WDFY4: variants seen among roughly 807,000 people sequenced by gnomAD.
WDFY4 encodes the protein WDFY family member 4.
WDFY4 carries 169 observed loss-of-function variants against 351.9 expected under a neutral mutation model. The ratio of observed to expected loss-of-function variants is 0.48; its 90% CI spans 0.42 to 0.55. WDFY4 has a LOEUF of 0.55. Among genes scored for constraint, WDFY4 ranks in the 20% least tolerant of loss-of-function variants. The pLI is 0.00. For missense variants in WDFY4, 3,803 were observed against 3,935.6 expected (o/e 0.97, Z 0.90); for synonymous variants, 1,622 against 1,574.6 (o/e 1.03, Z -0.71).
At chr10:48,951,623 G>C (rs1033408118) in intron 51 of WDFY4, among the ~76,000 whole-genome samples, 9 of 151,842 alleles carry the variant, frequency 5.9e-5, no homozygotes, top group African/African-American at 1.7e-4. Flanking sequence ...CAAAAACAAA[G>C]AAACAAAAAA....
intron 57 of WDFY4, among the ~76,000 whole-genome samples, chr10:48,972,432 T>C (rs1842378837): frequency 6.6e-6 from 1 of 152,244 alleles, no homozygotes; most frequent in African/African-American, 2.4e-5. Flanking sequence ...TTTCTGATCA[T>C]TGTGTAGATA....
intron 20 of WDFY4, among the ~76,000 whole-genome samples, chr10:48,787,985 TCC>T (rs2132721128): frequency 1.7e-5 from 2 of 115,924 alleles, no homozygotes; most frequent in South Asian, 2.8e-4. Context: ...CTTCTTCTTC[TCC>T]TTCTCCTTCT....
intron 35 of WDFY4, among the ~76,000 whole-genome samples, chr10:48,824,631 G>A (rs1197042286): frequency 6.6e-6 from 1 of 152,080 alleles, no homozygotes; most frequent in Non-Finnish European, 1.5e-5. Context: ...TAGAATTTCA[G>A]GTCATGTCAA....
chr10:48,870,653 C>T (rs1032478443), intron 40 of WDFY4, among the ~76,000 whole-genome samples: 5 of 152,090 alleles, frequency 3.3e-5, no homozygotes, highest in African/African-American at 1.2e-4. Flanking sequence ...ATTTGGCCCA[C>T]TTGCAGTTTG....
rs2067215584 is a variant in WDFY4 at position 48,805,276 on chromosome 10, G to A, written c.4501G>A (p.Ala1501Thr). The change falls in exon 26 of 62, where the codon GCT becomes ACT. Residue 1501 changes from alanine (A) to threonine (T), a missense_variant. Around this residue, in one of 3 missense-constraint regions of WDFY4, gnomAD observed 3,054 missense variants for 3,148.6 expected, o/e 0.97. Transcript: ENST00000325239. ...ACTCACCAGGGAAGGACCCAGGAAT[G>A]CTGAAGCTGCCCACCAGGCACAGCT... Reference protein sequence around the residue: ...LQSPREGPRNAEAAHQAQLIP... With the variant: ...LQSPREGPRNTEAAHQAQLIP... 2 of 1,544,510 alleles carry A rather than the reference G, an allele frequency of 1.3e-6. No homozygotes were observed. Among genetic ancestry groups the A allele is most frequent in the East Asian group, 2.4e-5 (1 of 40,924 alleles).
At chr10:48,786,282 T>C (rs2066402249) in intron 19 of WDFY4, among the ~76,000 whole-genome samples, 1 of 152,222 alleles carries the variant, frequency 6.6e-6, no homozygotes, top group South Asian at 2.1e-4. Context: ...GTTTTATTTC[T>C]TCCTTTCCAC....
intron 39 of WDFY4, among the ~76,000 whole-genome samples, chr10:48,861,350 G>T (rs2663052): frequency 6.6e-6 from 1 of 151,854 alleles, no homozygotes; most frequent in African/African-American, 2.4e-5. Flanking sequence ...TGTTTAAAGA[G>T]CTTCCTTTAA....
At chr10:48,951,966 G>A (rs183583474) in intron 51 of WDFY4, among the ~76,000 whole-genome samples, 9 of 152,362 alleles carry the variant, frequency 5.9e-5, no homozygotes, top group African/African-American at 2.2e-4. Flanking sequence ...CAGCCCATGT[G>A]AAGTCAGCTG....
chr10:48,959,624 C>A, intron 52 of WDFY4, 98 bp from the exon 53 acceptor site: 1 of 1,128,236 alleles, frequency 8.9e-7, no homozygotes, highest in Non-Finnish European at 1.3e-6. Context: ...TTCAGACCTA[C>A]ACAAAATCAG....
At position 48,817,388 on chromosome 10, in the gene WDFY4, C is replaced by G. The variant is rs763240437; in HGVS notation, c.5484C>G (p.Ala1828=). The G allele has an allele frequency of 6.4e-6, 10 of 1,550,938 alleles. No homozygotes were observed. The highest frequency in any genetic ancestry group is 1.7e-4 in the Middle Eastern group (1 of 6,012). ...PEFLQTLAIA[A]FPLGAQKGVG... is the part of the protein sequence containing the mutation. ...TCCTCCAGACCTTGGCCATAGCCGC[C>G]TTCCCCCTGGGAGCCCAAAAGGTAG... Residue 1828 remains alanine, a synonymous_variant, in exon 32 of 62, where the codon GCC becomes GCG. Transcript: ENST00000325239.
At chr10:48,896,109 T>A (rs772426309) in intron 44 of WDFY4, among the ~76,000 whole-genome samples, 10 of 152,244 alleles carry the variant, frequency 6.6e-5, no homozygotes, top group Non-Finnish European at 1.5e-4. Flanking sequence ...GACTGAGCAA[T>A]CGCTTCAGAA....
At chr10:48,833,166 T>TGAGA (rs1410407932) in intron 39 of WDFY4, among the ~76,000 whole-genome samples, 57 of 131,512 alleles carry the variant, frequency 4.3e-4, no homozygotes, top group Admixed American at 2.4e-3. Flanking sequence ...TGTGTGTGTG[T>TGAGA]GTGTGTGAGA....
chr10:48,736,223 TA>T, intron 11 of WDFY4, 153 bp downstream of exon 11: 1 of 815,650 alleles, frequency 1.2e-6, no homozygotes. Flanking sequence ...CTGTAACAAA[TA>T]AATCCCATAT....
At chr10:48,921,067 C>A (rs576824314) in intron 47 of WDFY4, among the ~76,000 whole-genome samples, 1 of 152,098 alleles carries the variant, frequency 6.6e-6, no homozygotes, top group Non-Finnish European at 1.5e-5. Context: ...CAACTCTCCC[C>A]AAATTGGTCT....
chr10:48,714,861 C>T (rs1294845664), intron 2 of WDFY4, among the ~76,000 whole-genome samples: 3 of 152,192 alleles, frequency 2.0e-5, no homozygotes, highest in Non-Finnish European at 4.4e-5. Context: ...ATTAGAGGTG[C>T]TGTGAATGGG....
At chr10:48,753,310 T>G (rs1177699184) in intron 12 of WDFY4, among the ~76,000 whole-genome samples, 1 of 152,210 alleles carries the variant, frequency 6.6e-6, no homozygotes, top group Non-Finnish European at 1.5e-5. Flanking sequence ...TCTCTCATTC[T>G]GTAGGTTCTC....
In WDFY4 at chr10:48,942,750, CTCAT is replaced by C. The variant is rs566881254; in HGVS notation, c.7630-576_7630-573del. On this transcript the variant is annotated intron_variant, in intron 48 of 61. Coordinates refer to ENST00000325239, the MANE Select transcript of WDFY4 (RefSeq NM_001394531.1). Reference sequence around the variant, plus strand: ...GATGACGGCTGTGTTGGATTGCTCACTCATTCAGCGGCCTTGGTGGATTTTATTC... The same window carrying C: ...GATGACGGCTGTGTTGGATTGCTCACTCAGCGGCCTTGGTGGATTTTATTC... Among the ~76,000 whole-genome samples the C allele has an allele frequency of 1.3e-3, 193 of 152,344 alleles. 5 individuals carry two copies. The highest frequency in any genetic ancestry group is 0.011 in the Admixed American group (173 of 15,306).
At chr10:48,941,304 A>G (rs978788505) in intron 47 of WDFY4, among the ~76,000 whole-genome samples, 1 of 152,252 alleles carries the variant, frequency 6.6e-6, no homozygotes, top group Non-Finnish European at 1.5e-5. Context: ...AAAACTATGT[A>G]GGCATATAGG....
intron 37 of WDFY4, 45 bp from the exon 38 acceptor site, chr10:48,830,655 G>T: frequency 6.5e-7 from 1 of 1,532,740 alleles, no homozygotes. Flanking sequence ...TCTCTGGGAG[G>T]GTCACTGAGG....
Sources: gnomAD v4.1 joint callset for allele counts (sites outside exome capture counted in the v4.1 genomes callset) on GRCh38, gnomAD v4.1.1 for gene constraint, gnomAD v4.1.1 regional missense constraint, MANE v1.5 for transcripts, NCBI Gene and HGNC (gene_info 2026-07-23, HGNC 2026-07-21) for gene names.